ALG14: variants seen among roughly 807,000 people sequenced by gnomAD.
ALG14 encodes the protein UDP-N-acetylglucosamine transferase subunit ALG14.
A neutral mutation model predicts 22.8 loss-of-function variants in ALG14; 17 were observed. That is an observed-to-expected ratio of 0.75 (90% CI 0.51 to 1.12). ALG14 has a LOEUF of 1.12. Among genes scored for constraint, ALG14 ranks in the 50% most tolerant of loss-of-function variants. The probability of loss-of-function intolerance (pLI) is 0.00; values close to 1 mark genes in which losing one functional copy is unlikely to be tolerated. For missense variants in ALG14, 288 were observed against 271.8 expected, an observed-to-expected ratio of 1.06 and a Z score of -0.42; for synonymous variants, 89 against 103.7, an observed-to-expected ratio of 0.86 and a Z score of 0.86.
intron 2 of ALG14, among the ~76,000 whole-genome samples, chr1:95,055,229 G>T (rs963838160): frequency 1.3e-5 from 2 of 152,128 alleles, no homozygotes; most frequent in African/African-American, 2.4e-5. Flanking sequence ...AAGGTGTAAG[G>T]ATTAGAAAGA....
Position 95,064,906 on chromosome 1 carries a change from G to T in ALG14, c.248C>A (p.Ser83Tyr), listed in dbSNP as rs767402341. The change falls in exon 2 of 4, where the codon TCT becomes TAT. Residue 83 changes from serine to tyrosine, a missense_variant. Physicochemically the swap from Ser to Tyr is moderately radical, Grantham distance 144. Coordinates refer to ENST00000370205, the MANE Select transcript of ALG14 (RefSeq NM_144988.4). ...TDEMSANKIN[S>Y]FELDRADRDP... is the part of the protein sequence containing the mutation. ...TCTATCAGCTCGATCTAGTTCAAAA[G>T]AATTTATTTTATTGGCACTCATTTC... The T allele has an allele frequency of 4.3e-6, 7 of 1,613,750 alleles. No individual in the cohort carries two copies. The Admixed American group carries it at 6.7e-5, about 15-fold the overall frequency.
At chr1:95,024,042 C>G (rs1274755911) in intron 3 of ALG14, among the ~76,000 whole-genome samples, 1 of 152,216 alleles carries the variant, frequency 6.6e-6, no homozygotes, top group Non-Finnish European at 1.5e-5. Flanking sequence ...AATCAGCAAT[C>G]TCACAAATTA....
At chr1:95,072,359 G>A (rs916098204) in intron 1 of ALG14, among the ~76,000 whole-genome samples, 3 of 152,276 alleles carry the variant, frequency 2.0e-5, no homozygotes, top group Admixed American at 2.0e-4. Flanking sequence ...ATTTATAAAT[G>A]TGACAATTCA....
rs147770091 is a variant in ALG14 at position 94,989,752 on chromosome 1, A to G, written c.421-6446T>C. On this transcript the variant is annotated intron_variant, in intron 3 of 3. Coordinates refer to ENST00000370205, the MANE Select transcript of ALG14 (RefSeq NM_144988.4). Reference sequence around the variant, plus strand: ...TTGTCCCTCTATATTTTCTAAGCCTACTTAATTGACATTGCTGGTAATTCC... The same window carrying G: ...TTGTCCCTCTATATTTTCTAAGCCTGCTTAATTGACATTGCTGGTAATTCC... Among the ~76,000 whole-genome samples, 498 of 152,308 alleles carry G rather than the reference A, an allele frequency of 3.3e-3. 1 individual carries two copies. The highest frequency in any genetic ancestry group is 0.011 in the African/African-American group (478 of 41,578).
At chr1:95,054,153 A>G (rs1030715491) in intron 2 of ALG14, among the ~76,000 whole-genome samples, 4 of 152,224 alleles carry the variant, frequency 2.6e-5, no homozygotes, top group African/African-American at 9.6e-5. Flanking sequence ...ACAAGAGAAT[A>G]TTATTGATAG....
At chr1:95,013,079 T>G (rs1673411145) in intron 3 of ALG14, among the ~76,000 whole-genome samples, 1 of 148,980 alleles carries the variant, frequency 6.7e-6, no homozygotes, top group Non-Finnish European at 1.5e-5. Flanking sequence ...GAGGTTGCAG[T>G]GAGCCGAGAT....
intron 2 of ALG14, among the ~76,000 whole-genome samples, chr1:95,034,828 A>G (rs1368571992): frequency 6.6e-6 from 1 of 151,982 alleles, no homozygotes; most frequent in Admixed American, 6.6e-5. Context: ...TGATTTTTCA[A>G]ATCACCCACT....
chr1:95,065,762 AG>A (rs1201568945), intron 1 of ALG14, among the ~76,000 whole-genome samples: 2 of 152,230 alleles, frequency 1.3e-5, no homozygotes, highest in East Asian at 3.8e-4. Flanking sequence ...AGCACACTGC[AG>A]GTCCTCAAAT....
At chr1:95,039,794 C>T (rs1420335338) in intron 2 of ALG14, among the ~76,000 whole-genome samples, 1 of 152,076 alleles carries the variant, frequency 6.6e-6, no homozygotes, top group African/African-American at 2.4e-5. Flanking sequence ...AATCTGGATG[C>T]TGGACTGATG....
chr1:95,057,689 G>T (rs1006548297), intron 2 of ALG14, among the ~76,000 whole-genome samples: 3 of 150,788 alleles, frequency 2.0e-5, no homozygotes, highest in Non-Finnish European at 4.4e-5. Context: ...TATGAAAAAG[G>T]ATTAGTTTAC....
At chr1:95,070,789 G>A (rs1007180948) in intron 1 of ALG14, among the ~76,000 whole-genome samples, 1 of 152,110 alleles carries the variant, frequency 6.6e-6, no homozygotes, top group Admixed American at 6.6e-5. Context: ...AGGCTGGAGT[G>A]CAGTGGCACA....
chr1:95,055,555 T>A (rs1043590848), intron 2 of ALG14, among the ~76,000 whole-genome samples: 28 of 151,996 alleles, frequency 1.8e-4, no homozygotes, highest in African/African-American at 6.3e-4. Context: ...GAGATGAAGT[T>A]TCTGGATAGG....
intron 1 of ALG14, among the ~76,000 whole-genome samples, chr1:95,065,376 G>A (rs1675321676): frequency 6.6e-6 from 1 of 152,154 alleles, no homozygotes; most frequent in Non-Finnish European, 1.5e-5. Context: ...AAACTAAAAT[G>A]TGAAGGGTAA....
chr1:95,043,284 G>T (rs1674440846), intron 2 of ALG14, among the ~76,000 whole-genome samples: 2 of 152,050 alleles, frequency 1.3e-5, no homozygotes, highest in African/African-American at 4.8e-5. Context: ...GGGAGGGGAG[G>T]CCCCCCATAC....
At chr1:95,023,632 T>C (rs77241892) in intron 3 of ALG14, among the ~76,000 whole-genome samples, 1 of 152,342 alleles carries the variant, frequency 6.6e-6, no homozygotes, top group African/African-American at 2.4e-5. Context: ...TCCATTTCCT[T>C]TCAATTTGTT....
chr1:95,014,146 T>C (rs1177540006), intron 3 of ALG14, among the ~76,000 whole-genome samples: 1 of 152,198 alleles, frequency 6.6e-6, no homozygotes, highest in East Asian at 1.9e-4. Context: ...AGTACAGCAT[T>C]GTTCACTGTT....
intron 1 of ALG14, among the ~76,000 whole-genome samples, chr1:95,069,236 C>T (rs893463713): frequency 3.3e-5 from 5 of 152,142 alleles, no homozygotes; most frequent in Admixed American, 2.0e-4. Context: ...ACCAGCTACT[C>T]GGGAGGCTGT....
At position 94,974,549 on chromosome 1, in the gene ALG14, C is replaced by T. The variant is rs1030109183; in HGVS notation, c.*8527G>A. The T allele has an allele frequency of 6.6e-6, 1 of 152,122 alleles. No homozygotes were observed. The allele number at this position is 152,122 out of a possible 1,614,324, so 9.4% of individuals were successfully genotyped here. A position where few individuals can be genotyped will look rare whatever the true frequency, so the allele number is the denominator to read the frequency against. ...TAAAAGAATCCATTGGTTTCTTTTT[C>T]ACTGCTGCATGCAGGCCAAGGAGAA... On this transcript the variant is annotated 3_prime_UTR_variant, in exon 4 of 4. Coordinates refer to ENST00000370205, the MANE Select transcript of ALG14 (RefSeq NM_144988.4).
chr1:95,032,024 G>A (rs1475358895), intron 2 of ALG14, among the ~76,000 whole-genome samples: 4 of 152,044 alleles, frequency 2.6e-5, no homozygotes, highest in Admixed American at 2.0e-4. Flanking sequence ...GGTCAGGCTG[G>A]TCTCCAACTC....
Sources: allele counts gnomAD v4.1 joint callset (sites outside exome capture counted in the v4.1 genomes callset), GRCh38; gene constraint gnomAD v4.1.1; transcripts MANE v1.5; gene names NCBI Gene and HGNC (gene_info 2026-07-23, HGNC 2026-07-21).